Variants in DNER observed in about 807,000 individuals in gnomAD.
The protein encoded by DNER is delta/notch like EGF repeat containing.
In DNER, 33 loss-of-function variants were observed where a neutral mutation model predicts 78.2. The observed-to-expected ratio is 0.42, with a 90% CI of 0.32 to 0.56. The LOEUF is 0.56. Among genes scored for constraint, DNER ranks in the 20% least tolerant of loss-of-function variants. The pLI is 0.11. For missense variants in DNER, 918 were observed against 975.3 expected (o/e 0.94, Z 0.78); for synonymous variants, 417 against 384.8 (o/e 1.08, Z -0.98).
intron 1 of DNER, among the ~76,000 whole-genome samples, chr2:229,604,907 G>A (rs1697905275): frequency 6.6e-6 from 1 of 152,068 alleles, no homozygotes. Context: ...AAAAGAGCAG[G>A]TGGCCCTAGA....
chr2:229,493,127 C>T lies in DNER; in HGVS notation c.1148-15874G>A, dbSNP rs1281787608. The stretch of plus-strand genomic sequence containing the variant: ...AACCAACAACGCAAAGGCACTGACA[C>T]TTAGTCAGTGTGCAAAAGAGTAAAT... On this transcript the variant is annotated intron_variant, in intron 6 of 12. Coordinates refer to ENST00000341772, the MANE Select transcript of DNER (RefSeq NM_139072.4). Among the ~76,000 whole-genome samples the T allele has an allele frequency of 3.9e-5, 6 of 152,296 alleles. No individual in the cohort carries two copies. In the East Asian group the frequency reaches 7.7e-4, roughly 20 times the overall value.
chr2:229,588,380 C>G lies in DNER; in HGVS notation c.680+14G>C. The G allele has an allele frequency of 6.2e-7, 1 of 1,612,552 alleles. No individual in the cohort carries two copies. Among genetic ancestry groups the G allele is most frequent in the Non-Finnish European group, 8.5e-7 (1 of 1,179,070 alleles). On this transcript the variant is annotated intron_variant, in intron 3 of 12. Transcript: ENST00000341772. ...GCATCACTCTTAACAGTTTGTAACT[C>G]AGAATTTTCTTACTTGACTGAGGTG...
intron 8 of DNER, among the ~76,000 whole-genome samples, chr2:229,445,820 C>T (rs372067535): frequency 7.0e-4 from 107 of 152,294 alleles, no homozygotes; most frequent in African/African-American, 2.4e-3. Context: ...ATCCTAACTA[C>T]TAACATTGTT....
At chr2:229,446,855 C>G (rs1385508502) in intron 8 of DNER, among the ~76,000 whole-genome samples, 2 of 152,182 alleles carry the variant, frequency 1.3e-5, no homozygotes, top group Non-Finnish European at 2.9e-5. Context: ...TGACACAATT[C>G]TGAATGTATT....
chr2:229,606,901 C>T (rs1297820164), intron 1 of DNER, among the ~76,000 whole-genome samples: 1 of 151,958 alleles, frequency 6.6e-6, no homozygotes, highest in African/African-American at 2.4e-5. Context: ...TCTCAAACAC[C>T]ACCACCACCA....
At chr2:229,596,571 G>A (rs1697718695) in intron 1 of DNER, among the ~76,000 whole-genome samples, 2 of 152,218 alleles carry the variant, frequency 1.3e-5, no homozygotes, top group Admixed American at 1.3e-4. Context: ...CACCCCAGTG[G>A]GAAGTGTCAG....
chr2:229,505,219 T>TGTGTGTGTGTGTGTGTGTG (rs56268741), intron 6 of DNER, among the ~76,000 whole-genome samples: 18 of 149,238 alleles, frequency 1.2e-4, no homozygotes, highest in African/African-American at 2.2e-4. Context: ...TGTGTGTGTG[T>TGTGTGTGTGTGTGTGTGTG]TGGCTACAAT....
intron 8 of DNER, among the ~76,000 whole-genome samples, chr2:229,443,073 A>G (rs553548059): frequency 2.6e-5 from 4 of 152,262 alleles, no homozygotes; most frequent in Non-Finnish European, 5.9e-5. Flanking sequence ...AGTTGAAATG[A>G]TGAGCATCTT....
intron 1 of DNER, among the ~76,000 whole-genome samples, chr2:229,679,323 T>C (rs915421211): frequency 3.9e-5 from 6 of 152,238 alleles, no homozygotes; most frequent in African/African-American, 1.4e-4. Flanking sequence ...AAAAGGTATG[T>C]AAGGAAAGAA....
At chr2:229,367,166 G>C (rs781223791) in intron 11 of DNER, 47 bp from the exon 12 acceptor site, 22 of 1,608,590 alleles carry the variant, frequency 1.4e-5, no homozygotes, top group Non-Finnish European at 1.9e-5. Context: ...TGTCACCTTT[G>C]AGAATGAGAA....
intron 1 of DNER, among the ~76,000 whole-genome samples, chr2:229,662,990 C>G (rs900071672): frequency 1.3e-5 from 2 of 152,182 alleles, no homozygotes; most frequent in Non-Finnish European, 2.9e-5. Context: ...AGATCTCCTC[C>G]TATTCTAAGA....
chr2:229,622,040 C>T (rs1484983600), intron 1 of DNER, among the ~76,000 whole-genome samples: 1 of 152,136 alleles, frequency 6.6e-6, no homozygotes, highest in Non-Finnish European at 1.5e-5. Flanking sequence ...GAGCCGAGAT[C>T]GCGCCGCTGC....
Position 229,547,036 on chromosome 2 carries a change from C to G in DNER, c.904G>C (p.Val302Leu). 6.2e-7 allele frequency: 1 copy of G among 1,614,170 alleles called. No homozygotes were observed. Among genetic ancestry groups the G allele is most frequent in the Non-Finnish European group, 8.5e-7 (1 of 1,180,010 alleles). The change falls in exon 5 of 13, where the codon GTG becomes CTG. Residue 302 changes from valine (V) to leucine (L), a missense_variant. Transcript: ENST00000341772. ...SIVALRLTLV[V>L]KVSTCVPGES... is the part of the protein sequence containing the mutation. ...CCCGGCACACAGGTGCTGACCTTCA[C>G]CACCAGAGTTAAGCGCAAAGCCACA...
chr2:229,459,047 T>A (rs528016234), intron 7 of DNER, among the ~76,000 whole-genome samples: 1 of 151,980 alleles, frequency 6.6e-6, no homozygotes, highest in African/African-American at 2.4e-5. Context: ...TAGGATTAAA[T>A]TTAACAAAAG....
chr2:229,422,455 C>A (rs1157878289), intron 8 of DNER, among the ~76,000 whole-genome samples: 3 of 152,152 alleles, frequency 2.0e-5, no homozygotes. Flanking sequence ...CCCCTTATTT[C>A]TTTCGGATTG....
chr2:229,596,305 C>A (rs1697713510), intron 1 of DNER, among the ~76,000 whole-genome samples: 1 of 152,240 alleles, frequency 6.6e-6, no homozygotes, highest in African/African-American at 2.4e-5. Flanking sequence ...GTCTTGAGAA[C>A]ATAAGTCAAG....
At chr2:229,422,831 T>A (rs910116652) in intron 8 of DNER, among the ~76,000 whole-genome samples, 2 of 151,772 alleles carry the variant, frequency 1.3e-5, no homozygotes, top group Admixed American at 6.6e-5. Context: ...CATGGGCAGG[T>A]GGAGAACAAA....
chr2:229,515,420 T>C (rs1030237779), intron 5 of DNER, among the ~76,000 whole-genome samples: 1 of 152,192 alleles, frequency 6.6e-6, no homozygotes, highest in Non-Finnish European at 1.5e-5. Context: ...AAAGCAGGCC[T>C]CCAAATCATG....
At chr2:229,613,710 CTTTAAAGACATTTCA>C (rs1473369458) in intron 1 of DNER, among the ~76,000 whole-genome samples, 2 of 151,014 alleles carry the variant, frequency 1.3e-5, no homozygotes, top group African/African-American at 4.9e-5. Context: ...GTTACTTTTA[CTTTAAAGACATTTCA>C]TTTACTTTAA....
Sources: gnomAD v4.1 joint callset for allele counts (sites outside exome capture counted in the v4.1 genomes callset) on GRCh38, gnomAD v4.1.1 for gene constraint, MANE v1.5 for transcripts, NCBI Gene and HGNC (gene_info 2026-07-23, HGNC 2026-07-21) for gene names.